The following N4BP2L2 variants were observed in gnomAD, a reference collection of about 807,000 sequenced individuals.
N4BP2L2 encodes NEDD4-binding protein 2-like 2.
Under a neutral mutation model 56.2 loss-of-function variants are expected in N4BP2L2, and 50 were observed. That is an observed-to-expected ratio of 0.89 (90% CI 0.71 to 1.13). The LOEUF (loss-of-function observed/expected upper bound fraction) is 1.13, where lower values mean the gene tolerates loss of function less well. Ranked by LOEUF, N4BP2L2 falls within the 50% of genes most tolerant of loss-of-function variation. The pLI, the probability that N4BP2L2 is intolerant of heterozygous loss-of-function variation, is 0.00. For synonymous variants in N4BP2L2, 203 were observed against 223.6 expected, an observed-to-expected ratio of 0.91 and a Z score of 0.82; for missense variants, 689 against 693.8, an observed-to-expected ratio of 0.99 and a Z score of 0.08.
At chr13:32,441,993 G>A (rs1023140719) in intron 7 of N4BP2L2, among the ~76,000 whole-genome samples, 3 of 151,442 alleles carry the variant, frequency 2.0e-5, no homozygotes, top group African/African-American at 7.3e-5. Flanking sequence ...GGAGAATGGC[G>A]TGAACCCGGG....
At chr13:32,495,305 C>T (rs1392101891) in intron 6 of N4BP2L2, among the ~76,000 whole-genome samples, 2 of 152,162 alleles carry the variant, frequency 1.3e-5, no homozygotes, top group Non-Finnish European at 1.5e-5. Context: ...AGCATATTCT[C>T]AAGGATCCTT....
chr13:32,507,662 C>T (rs1157332531), downstream of N4BP2L2: 1 of 152,016 alleles, frequency 6.6e-6, no homozygotes, highest in Non-Finnish European at 1.5e-5. Context: ...TTAGCAAGGA[C>T]AAGCTTATCA....
exon 6 of N4BP2L2, chr13:32,517,891 T>C (rs1342802242): frequency 1.2e-6 from 2 of 1,614,018 alleles, no homozygotes; most frequent in East Asian, 2.2e-5. Context: ...GGTCTTTGTG[T>C]GCTTTTGTGT....
In N4BP2L2 at chr13:32,522,051, C is replaced by CA. The variant is rs544564710; in HGVS notation, c.1473+130dup. 1,390 of 632,314 alleles carry CA rather than the reference C, an allele frequency of 2.2e-3. 4 individuals are homozygous for CA. Among genetic ancestry groups the CA allele is most frequent in the Admixed American group, 3.7e-3 (111 of 30,330 alleles). 39.2% of individuals were successfully genotyped at this position (632,314 alleles called of 1,614,324 possible). ...ATTCACAATTTTTTTAAAAACTAAG[C>CA]AAACCAACAAACCTCTTTAGAAAAC... is the stretch of plus-strand genomic sequence containing the variant. On this transcript the variant is annotated intron_variant, in intron 4 of 5. Transcript: ENST00000267068.
intron 6 of N4BP2L2, among the ~76,000 whole-genome samples, chr13:32,488,085 A>G (rs2086274406): frequency 6.6e-6 from 1 of 152,208 alleles, no homozygotes; most frequent in Non-Finnish European, 1.5e-5. Flanking sequence ...CCTAGTTTGC[A>G]TAATTAATAA....
At chr13:32,501,280 A>G (rs193219616) in intron 6 of N4BP2L2, among the ~76,000 whole-genome samples, 1 of 152,196 alleles carries the variant, frequency 6.6e-6, no homozygotes, top group Admixed American at 6.5e-5. Flanking sequence ...ATGGTTTCAC[A>G]TAACTACAGA....
At chr13:32,509,076 GA>G (rs1480459027), downstream of N4BP2L2, 1 of 152,104 alleles carries the variant, frequency 6.6e-6, no homozygotes, top group African/African-American at 2.4e-5. Flanking sequence ...TATGGCACTG[GA>G]TACACCAAGT....
chr13:32,522,013 C>A, intron 4 of N4BP2L2, 169 bp downstream of exon 4: 1 of 570,842 alleles, frequency 1.8e-6, no homozygotes, highest in Non-Finnish European at 3.0e-6. Flanking sequence ...GAACATGTTC[C>A]TTAAAAAACA....
chr13:32,521,379 A>C lies in N4BP2L2; in HGVS notation c.1544T>G (p.Leu515Ter). ...AAAAATTCGAGTGTCTTACTTTTCT[A>C]ATTCTTCAGGATCAAATTTCCACCA... The change falls in exon 5 of 6, where the codon TTA (leucine) becomes TGA (stop). Residue 515 changes from leucine (L) to a stop codon, truncating the protein, a stop_gained. Transcript: ENST00000267068. LOFTEE classifies it high-confidence loss of function. 1 of 1,605,810 alleles carries C rather than the reference A, an allele frequency of 6.2e-7. No homozygotes were observed. The highest frequency in any genetic ancestry group is 8.5e-7 in the Non-Finnish European group (1 of 1,174,780).
chr13:32,476,853 C>G (rs772530330), intron 6 of N4BP2L2, among the ~76,000 whole-genome samples: 24 of 152,134 alleles, frequency 1.6e-4, no homozygotes, highest in Non-Finnish European at 3.1e-4. Context: ...AAAAGTACCC[C>G]TGGCAGTGTG....
At chr13:32,527,777 C>T (rs773793533) in intron 2 of N4BP2L2, among the ~76,000 whole-genome samples, 16 of 137,044 alleles carry the variant, frequency 1.2e-4, no homozygotes, top group Admixed American at 2.2e-4. Flanking sequence ...CTAACAGAAA[C>T]TCTTTTTTTT....
chr13:32,491,633 ATAT>A (rs1163452459), intron 6 of N4BP2L2, among the ~76,000 whole-genome samples: 151 of 114,056 alleles, frequency 1.3e-3, no homozygotes, highest in African/African-American at 5.3e-3. Flanking sequence ...ATATATATAT[ATAT>A]TTTTTTTTTT....
At chr13:32,504,969 ATCT>A (rs1340839682) in intron 6 of N4BP2L2, 3 of 152,256 alleles carry the variant, frequency 2.0e-5, no homozygotes, top group Admixed American at 2.0e-4. Flanking sequence ...CTCAAGAATA[ATCT>A]TCTTCAGCTT....
rs780674749 is a variant in N4BP2L2, at chr13:32,443,016, G to A, written c.1476C>T (p.Ile492=). ...CACATTTCTCCCTTTCTTTTACACC[G>A]ATACGACTCTGTCCTAATAAGTCAA... Residue 492 remains isoleucine (I), a synonymous_variant, in exon 7 of 10, where the codon ATC becomes ATT. Coordinates refer to the N4BP2L2 transcript ENST00000357505. 61 of 1,613,254 alleles carry A rather than the reference G, an allele frequency of 3.8e-5. No individual in the cohort carries two copies. The East Asian group carries it at 1.0e-3, about 27-fold the overall frequency.
chr13:32,468,756 G>A (rs1566076071), intron 6 of N4BP2L2, among the ~76,000 whole-genome samples: 1 of 152,218 alleles, frequency 6.6e-6, no homozygotes, highest in South Asian at 2.1e-4. Flanking sequence ...TTTGAGAAAG[G>A]TATAACTGCC....
intron 6 of N4BP2L2, chr13:32,504,925 A>G (rs1767123670): frequency 6.6e-6 from 1 of 152,192 alleles, no homozygotes; most frequent in African/African-American, 2.4e-5. Flanking sequence ...GCAGGTCTGA[A>G]ACGTATAAAG....
intron 5 of N4BP2L2, among the ~76,000 whole-genome samples, chr13:32,520,146 C>T (rs1452579813): frequency 2.0e-5 from 3 of 151,952 alleles, no homozygotes; most frequent in African/African-American, 4.8e-5. Context: ...ACCCCATACA[C>T]AGAGTAACAG....
chr13:32,479,603 T>C (rs575650537), intron 6 of N4BP2L2, among the ~76,000 whole-genome samples: 2 of 150,622 alleles, frequency 1.3e-5, no homozygotes, highest in East Asian at 3.9e-4. Flanking sequence ...AACAATGAAA[T>C]TTTGTTTTTT....
intron 6 of N4BP2L2, among the ~76,000 whole-genome samples, chr13:32,458,308 G>A (rs986176233): frequency 3.3e-5 from 5 of 152,074 alleles, no homozygotes; most frequent in South Asian, 2.1e-4. Flanking sequence ...CTCATGATCC[G>A]CCCATCTCGG....
Sources: allele counts gnomAD v4.1 joint callset (sites outside exome capture counted in the v4.1 genomes callset), GRCh38; gene constraint gnomAD v4.1.1; transcripts MANE v1.5; gene names NCBI Gene and HGNC (gene_info 2026-07-23, HGNC 2026-07-21).